KCNAB2: variants seen among roughly 807,000 people sequenced by gnomAD.
KCNAB2 encodes voltage-gated potassium channel subunit beta-2.
In KCNAB2, 29 loss-of-function variants were observed where a neutral mutation model predicts 63.6. The ratio of observed to expected loss-of-function variants is 0.46; its 90% CI spans 0.34 to 0.62. The LOEUF (loss-of-function observed/expected upper bound fraction) is 0.62. KCNAB2 is among the 20% of genes least tolerant of loss of function. The pLI, the probability that KCNAB2 is intolerant of heterozygous loss-of-function variation, is 0.01. For missense variants in KCNAB2, 359 were observed against 563.9 expected (o/e 0.64, Z 3.68); for synonymous variants, 222 against 224.2 (o/e 0.99, Z 0.09).
At chr1:6,052,639 G>A (rs191933034) in intron 2 of KCNAB2, among the ~76,000 whole-genome samples, 194 of 152,196 alleles carry the variant, frequency 1.3e-3, no homozygotes, top group African/African-American at 4.5e-3. Flanking sequence ...GCTAGCCACC[G>A]TTCTCTGGCT....
In KCNAB2 at chr1:6,092,045, CCT is replaced by C. The variant is rs576311824; in HGVS notation, c.646+739_646+740del. Among the ~76,000 whole-genome samples, 780 of 152,336 alleles carry C rather than the reference CCT, an allele frequency of 5.1e-3. 7 individuals carry two copies. Among genetic ancestry groups the C allele is most frequent in the Non-Finnish European group, 4.6e-3 (316 of 68,038 alleles). ...GTGTCGATCTCCCTGGGCCTGGGCC[CCT>C]GTCTGCCAACTGGTGCTGCCACCTG... On this transcript the variant is annotated intron_variant, in intron 10 of 15. Transcript: ENST00000378083.
intron 10 of KCNAB2, among the ~76,000 whole-genome samples, chr1:6,092,579 G>A (rs767603302): frequency 3.3e-5 from 5 of 152,260 alleles, no homozygotes; most frequent in Non-Finnish European, 5.9e-5. Context: ...CAGGTGCCCC[G>A]AGAGTGTTTC....
chr1:6,075,308 G>A (rs1663569857), intron 4 of KCNAB2, among the ~76,000 whole-genome samples: 1 of 152,240 alleles, frequency 6.6e-6, no homozygotes, highest in Non-Finnish European at 1.5e-5. Flanking sequence ...ATGAGATGAC[G>A]TTTTCACCAG....
At chr1:6,019,729 A>G (rs1018864675) in intron 1 of KCNAB2, among the ~76,000 whole-genome samples, 3 of 152,192 alleles carry the variant, frequency 2.0e-5, no homozygotes, top group Non-Finnish European at 4.4e-5. Context: ...CACGTGCTGC[A>G]CAGTGTCGGC....
At chr1:6,041,454 C>A (rs1415653443), upstream of KCNAB2, 1 of 247,520 alleles carries the variant, frequency 4.0e-6, no homozygotes, top group Non-Finnish European at 8.0e-6. Context: ...GGGTGCTCTG[C>A]ACGTCTGGGT....
chr1:6,000,909 G>T lies in KCNAB2; in HGVS notation c.-53+8121G>T, dbSNP rs117816444. Among the ~76,000 whole-genome samples, 41 of 152,230 alleles carry T rather than the reference G, an allele frequency of 2.7e-4. No homozygotes were observed. The East Asian group carries it at 8.0e-3, about 30-fold the overall frequency. ...ACATCAGAGCGGGAGGAGGTGTATG[G>T]TCCAGGGCACCAAGGCGTCACTCAG... On this transcript the variant is annotated intron_variant, in intron 1 of 16. Transcript: ENST00000341524.
chr1:5,996,272 C>G (rs1156948026), intron 1 of KCNAB2, among the ~76,000 whole-genome samples: 1 of 152,204 alleles, frequency 6.6e-6, no homozygotes, highest in Non-Finnish European at 1.5e-5. Flanking sequence ...GTGAGACTCC[C>G]TGTCTCATGG....
intron 8 of KCNAB2, among the ~76,000 whole-genome samples, chr1:6,089,585 C>A (rs1216197007): frequency 1.3e-5 from 2 of 152,226 alleles, no homozygotes; most frequent in Non-Finnish European, 2.9e-5. Flanking sequence ...CCTGGCGGGG[C>A]AAGCCACCCA....
In KCNAB2 at chr1:6,073,800, A is replaced by G. The variant is rs1304492685; in HGVS notation, c.300+30A>G. The G allele has an allele frequency of 2.5e-6, 4 of 1,611,968 alleles. No homozygotes were observed. In the South Asian group the frequency reaches 4.4e-5, roughly 18 times the overall value. ...GATGGGGCTCTCCCAGCACCCCAGA[A>G]CCCAGCACGGGCTCGCCAGAGCACA... is the stretch of plus-strand genomic sequence containing the variant. On this transcript the variant is annotated intron_variant, in intron 4 of 15. Coordinates refer to ENST00000378083, the MANE Select transcript of KCNAB2 (RefSeq NM_001199862.2). This position sits in a 1 kb window ranked among gnomAD's most constrained non-coding sequence, Gnocchi z 5.7.
In KCNAB2 at chr1:6,087,572, C is replaced by A; in HGVS notation, c.470+61C>A. 1 of 1,562,550 alleles carries A rather than the reference C, an allele frequency of 6.4e-7. No individual in the cohort carries two copies. The highest frequency in any genetic ancestry group is 1.1e-5 in the South Asian group (1 of 90,024). The stretch of plus-strand genomic sequence containing the variant: ...CCCAGCAGCCACGGCCCCGTGCTCC[C>A]CAGAGACCCCTGACCTAGAAGGCTC... On this transcript the variant is annotated intron_variant, in intron 7 of 15. Transcript: ENST00000378083. This position sits in a 1 kb window ranked among gnomAD's most constrained non-coding sequence, Gnocchi z 6.4.
In KCNAB2 at chr1:6,028,197, G is replaced by T. The variant is rs148180851; in HGVS notation, c.-52-12320G>T. ...ATCAGATCCCACCCAGGGAAGGAATGGGCTCCTGTGTGGGCTCCTGGCTTC... is the reference window on the plus strand; with the variant it reads ...ATCAGATCCCACCCAGGGAAGGAATTGGCTCCTGTGTGGGCTCCTGGCTTC... On this transcript the variant is annotated intron_variant, in intron 1 of 16. Coordinates refer to the KCNAB2 transcript ENST00000341524. This position sits in a 1 kb window ranked among gnomAD's most constrained non-coding sequence, Gnocchi z 4.0. Among the ~76,000 whole-genome samples, 1,470 of 152,318 alleles carry T rather than the reference G, an allele frequency of 9.7e-3. 14 individuals are homozygous for T. The highest frequency in any genetic ancestry group is 0.037 in the Middle Eastern group (11 of 294).
At chr1:6,027,481 C>T (rs935511683) in intron 1 of KCNAB2, 6 of 152,232 alleles carry the variant, frequency 3.9e-5, no homozygotes, top group Non-Finnish European at 7.3e-5. Context: ...TGCACGGCAC[C>T]GTAGTTTCCA....
intron 6 of KCNAB2, chr1:6,085,838 G>A: frequency 2.0e-6 from 2 of 987,640 alleles, no homozygotes; most frequent in Non-Finnish European, 2.4e-6. Context: ...AGGGTCAGTG[G>A]CCCCAAGTCT....
chr1:6,001,377 T>C (rs758942828), intron 1 of KCNAB2, among the ~76,000 whole-genome samples: 1 of 151,602 alleles, frequency 6.6e-6, no homozygotes, highest in African/African-American at 2.4e-5. Context: ...CCACCAGCCC[T>C]CATTCTCTGC....
chr1:6,008,035 A>G (rs931705207), intron 1 of KCNAB2, among the ~76,000 whole-genome samples: 1 of 152,122 alleles, frequency 6.6e-6, no homozygotes, highest in Non-Finnish European at 1.5e-5. Context: ...CCTCTGAGGG[A>G]GCTGATGAGT....
At chr1:6,037,124 T>A (rs1162682744) in intron 1 of KCNAB2, among the ~76,000 whole-genome samples, 2 of 152,212 alleles carry the variant, frequency 1.3e-5, no homozygotes, top group African/African-American at 4.8e-5. Context: ...TCCCTGGGCC[T>A]GCAGCATCAG....
chr1:6,014,702 A>G (rs764191795), intron 1 of KCNAB2, among the ~76,000 whole-genome samples: 3 of 152,218 alleles, frequency 2.0e-5, no homozygotes, highest in Non-Finnish European at 4.4e-5. Flanking sequence ...AGTTACCAGC[A>G]GGGAAGGTAG....
Position 6,100,053 on chromosome 1 carries a change from G to A in KCNAB2, c.*1479G>A, listed in dbSNP as rs1318263358. On this transcript the variant is annotated 3_prime_UTR_variant, in exon 16 of 16. Transcript: ENST00000378083. ...GAAGCCTGTGTCTCCTGCCCCCAGG[G>A]CGCACCCTCAGTGCAGGCACCTCTG... The A allele has an allele frequency of 6.7e-7, 1 of 1,501,178 alleles. No homozygotes were observed. Among genetic ancestry groups the A allele is most frequent in the East Asian group, 2.5e-5 (1 of 40,520 alleles). The allele number at this position is 1,501,178 out of a possible 1,614,324, so 93.0% of individuals were successfully genotyped here.
At chr1:6,032,370 A>G (rs1659686286), upstream of KCNAB2, among the ~76,000 whole-genome samples, 3 of 152,136 alleles carry the variant, frequency 2.0e-5, no homozygotes, top group Admixed American at 2.0e-4. Context: ...CACAAGGTCA[A>G]GAGATTGAGA....
Sources: allele counts gnomAD v4.1 joint callset (sites outside exome capture counted in the v4.1 genomes callset), GRCh38; gene constraint gnomAD v4.1.1; non-coding constraint Gnocchi (gnomAD v3.1); transcripts MANE v1.5; gene names NCBI Gene and HGNC (gene_info 2026-07-23, HGNC 2026-07-21).